The following ERBIN variants were observed in gnomAD, a reference collection of about 807,000 sequenced individuals.
ERBIN encodes the protein erbb2 interacting protein.
In ERBIN, 60 loss-of-function variants were observed where a neutral mutation model predicts 158.4. The observed-to-expected ratio is 0.38, with a 90% confidence interval of 0.31 to 0.47. The LOEUF is 0.47. Ranked by LOEUF, ERBIN falls within the 20% of genes least tolerant of loss-of-function variation. The probability of loss-of-function intolerance (pLI) is 0.99; values close to 1 mark genes in which losing one functional copy is unlikely to be tolerated. For missense variants in ERBIN, 1,610 were observed against 1,648.0 expected, an observed-to-expected ratio of 0.98 and a Z score of 0.40; for synonymous variants, 594 against 557.2, an observed-to-expected ratio of 1.07 and a Z score of -0.93.
chr5:65,960,684 GA>G (rs2150956037), intron 1 of ERBIN, among the ~76,000 whole-genome samples: 1 of 152,272 alleles, frequency 6.6e-6, no homozygotes, highest in Non-Finnish European at 1.5e-5. Flanking sequence ...TTATAATTAA[GA>G]GAGGCATTGC....
chr5:65,929,675 C>G (rs979284941), intron 1 of ERBIN, among the ~76,000 whole-genome samples: 3 of 132,622 alleles, frequency 2.3e-5, no homozygotes, highest in African/African-American at 5.8e-5. Context: ...GAGTCTTGCT[C>G]TGTTGCCTAG....
At chr5:66,025,363 G>A (rs1756127097) in intron 10 of ERBIN, 117 bp from the exon 11 acceptor site, 5 of 777,806 alleles carry the variant, frequency 6.4e-6, no homozygotes, top group East Asian at 2.5e-5. Context: ...TTTTAGATAC[G>A]TTTGTTAGGA....
chr5:65,935,159 T>C (rs1487316858), intron 1 of ERBIN, among the ~76,000 whole-genome samples: 2 of 152,212 alleles, frequency 1.3e-5, no homozygotes, highest in African/African-American at 4.8e-5. Context: ...TATAAATATA[T>C]ACAATGGTCC....
Position 66,054,071 on chromosome 5 carries a change from T to A in ERBIN, c.2753T>A (p.Leu918Gln), listed in dbSNP as rs1386406908. Residue 918 changes from leucine (L) to glutamine (Q), a missense_variant, in exon 21 of 26, where the codon CTG becomes CAG. Coordinates refer to ENST00000284037, the MANE Select transcript of ERBIN (RefSeq NM_001253697.2). ...ATAGTCAGGAGCAAGTCTGCCACAC[T>A]GTTGTATGATCAACCATTGCAGGTA... ...KNIVRSKSAT[L>Q]LYDQPLQVFT... 2 of 1,614,204 alleles carry A rather than the reference T, an allele frequency of 1.2e-6. No homozygotes were observed. The highest frequency in any genetic ancestry group is 8.5e-7 in the Non-Finnish European group (1 of 1,180,030).
At chr5:66,060,680 G>A (rs1035953343) in intron 21 of ERBIN, among the ~76,000 whole-genome samples, 3 of 152,146 alleles carry the variant, frequency 2.0e-5, no homozygotes, top group African/African-American at 7.2e-5. Context: ...GGCATTTAGT[G>A]CTATAAATTT....
At chr5:65,963,391 T>C (rs1262450640) in intron 1 of ERBIN, among the ~76,000 whole-genome samples, 5 of 152,098 alleles carry the variant, frequency 3.3e-5, no homozygotes, top group South Asian at 2.1e-4. Context: ...TTTAAAAACT[T>C]TACATGACAG....
At chr5:65,954,245 G>C (rs928388364) in intron 1 of ERBIN, among the ~76,000 whole-genome samples, 1 of 152,168 alleles carries the variant, frequency 6.6e-6, no homozygotes, top group Non-Finnish European at 1.5e-5. Flanking sequence ...AATAATCTGT[G>C]GGGGAGAGGA....
intron 21 of ERBIN, among the ~76,000 whole-genome samples, chr5:66,059,743 A>G (rs1760043550): frequency 6.6e-6 from 1 of 152,190 alleles, no homozygotes; most frequent in Non-Finnish European, 1.5e-5. Flanking sequence ...AGTTTTTACC[A>G]TGAAGGGTTG....
chr5:66,060,650 C>G (rs1359501685), intron 21 of ERBIN, among the ~76,000 whole-genome samples: 1 of 152,176 alleles, frequency 6.6e-6, no homozygotes, highest in Non-Finnish European at 1.5e-5. Flanking sequence ...AATTTTAGAT[C>G]TTTCCTGCTT....
chr5:65,979,434 G>T (rs146982355), intron 1 of ERBIN, among the ~76,000 whole-genome samples: 42 of 152,084 alleles, frequency 2.8e-4, no homozygotes, highest in African/African-American at 9.9e-4. Flanking sequence ...AAAAAAACCC[G>T]CAAACCAAAT....
At chr5:66,023,475 TTTA>T in intron 9 of ERBIN, 111 bp downstream of exon 9, 3 of 589,506 alleles carry the variant, frequency 5.1e-6, no homozygotes, top group Non-Finnish European at 5.7e-6. Flanking sequence ...TGAATTATTC[TTTA>T]TTAAACAGAA....
intron 10 of ERBIN, 67 bp from the exon 11 acceptor site, chr5:66,025,413 A>T: frequency 8.5e-7 from 1 of 1,178,196 alleles, no homozygotes. Context: ...TATGTCTCAC[A>T]CTGACTGTTG....
chr5:66,011,750 G>T (rs1580343423), intron 4 of ERBIN, among the ~76,000 whole-genome samples: 2 of 152,148 alleles, frequency 1.3e-5, no homozygotes, highest in South Asian at 2.1e-4. Flanking sequence ...CAGAAAGAAT[G>T]TTAAATGTTC....
chr5:66,015,107 G>A (rs569096615), intron 7 of ERBIN, among the ~76,000 whole-genome samples: 11 of 152,232 alleles, frequency 7.2e-5, no homozygotes, highest in African/African-American at 1.7e-4. Flanking sequence ...GCCTGGTAAC[G>A]GTAGAACTTG....
intron 23 of ERBIN, among the ~76,000 whole-genome samples, chr5:66,075,444 T>G (rs972187403): frequency 3.3e-5 from 5 of 152,230 alleles, no homozygotes; most frequent in African/African-American, 1.2e-4. Flanking sequence ...GGGCATGATT[T>G]ATTTATTCTG....
chr5:65,938,003 C>T (rs988872605), intron 1 of ERBIN, among the ~76,000 whole-genome samples: 1 of 152,160 alleles, frequency 6.6e-6, no homozygotes, highest in African/African-American at 2.4e-5. Flanking sequence ...TTTACGATAG[C>T]ATATCTCTTT....
At chr5:66,030,969 T>C (rs1756807729) in intron 14 of ERBIN, among the ~76,000 whole-genome samples, 1 of 152,184 alleles carries the variant, frequency 6.6e-6, no homozygotes, top group Admixed American at 6.5e-5. Flanking sequence ...TTCTTCATAT[T>C]TATAGTGTTC....
At chr5:65,996,299 C>A (rs565269773) in intron 4 of ERBIN, among the ~76,000 whole-genome samples, 1 of 124,306 alleles carries the variant, frequency 8.0e-6, no homozygotes, top group Non-Finnish European at 1.7e-5. Flanking sequence ...AGTCTTTAAT[C>A]CATTTTGAGT....
chr5:65,987,802 A>C (rs2151033671), intron 1 of ERBIN, among the ~76,000 whole-genome samples: 1 of 150,736 alleles, frequency 6.6e-6, no homozygotes, highest in Admixed American at 6.6e-5. Context: ...CTGAGATTGT[A>C]CCACTGTACT....
Sources: gnomAD v4.1 joint callset for allele counts (sites outside exome capture counted in the v4.1 genomes callset) on GRCh38, gnomAD v4.1.1 for gene constraint, MANE v1.5 for transcripts, NCBI Gene and HGNC (gene_info 2026-07-23, HGNC 2026-07-21) for gene names.